Variants in RDX observed in about 807,000 individuals in gnomAD.
RDX encodes deafness, autosomal recessive 24.
In RDX, 32 loss-of-function variants were observed where a neutral mutation model predicts 83.7. The observed-to-expected ratio is 0.38, with a 90% CI of 0.29 to 0.51. The LOEUF (loss-of-function observed/expected upper bound fraction) is 0.51. RDX is among the 20% of genes least tolerant of loss of function. The probability of loss-of-function intolerance (pLI) is 0.87; values close to 1 mark genes in which losing one functional copy is unlikely to be tolerated. For missense variants in RDX, 600 were observed against 689.9 expected (o/e 0.87, Z 1.46); for synonymous variants, 229 against 222.7 (o/e 1.03, Z -0.25).
chr11:110,201,903 T>TTGTGTGCGTGTGTG (rs1555029997), intron 14 of RDX, among the ~76,000 whole-genome samples: 9 of 137,220 alleles, frequency 6.6e-5, no homozygotes, highest in Non-Finnish European at 1.1e-4. Context: ...CCGGCTAATT[T>TTGTGTGCGTGTGTG]TGTGTGTGTG....
At chr11:110,265,075 CTTTT>C (rs59010580) in intron 3 of RDX, among the ~76,000 whole-genome samples, 2 of 110,544 alleles carry the variant, frequency 1.8e-5, no homozygotes, top group Admixed American at 8.8e-5. Flanking sequence ...CTCAATTTTT[CTTTT>C]TTTTTTTTTG....
chr11:110,222,623 C>T (rs1397566815), intron 14 of RDX, among the ~76,000 whole-genome samples: 1 of 152,098 alleles, frequency 6.6e-6, no homozygotes, highest in Non-Finnish European at 1.5e-5. Context: ...GGTAAAACCT[C>T]GTCTCTACTA....
chr11:110,227,110 T>C (rs973279556), downstream of RDX, among the ~76,000 whole-genome samples: 1 of 152,096 alleles, frequency 6.6e-6, no homozygotes, highest in Non-Finnish European at 1.5e-5. Context: ...AGGGAGGAGA[T>C]AGATATTCCC....
downstream of RDX, among the ~76,000 whole-genome samples, chr11:110,226,587 T>C (rs932108711): frequency 6.6e-6 from 1 of 152,214 alleles, no homozygotes; most frequent in Non-Finnish European, 1.5e-5. Flanking sequence ...ATGTACTTAA[T>C]GGCACTGAAC....
intron 14 of RDX, among the ~76,000 whole-genome samples, chr11:110,213,193 C>T (rs1337014462): frequency 4.0e-5 from 6 of 151,524 alleles, no homozygotes; most frequent in African/African-American, 4.9e-5. Context: ...TATACACCAA[C>T]AACAGACAAA....
At chr11:110,270,501 T>C (rs780032085) in intron 3 of RDX, among the ~76,000 whole-genome samples, 1 of 152,178 alleles carries the variant, frequency 6.6e-6, no homozygotes, top group African/African-American at 2.4e-5. Flanking sequence ...TCTACATAAA[T>C]AGAAAGAGAT....
intron 14 of RDX, among the ~76,000 whole-genome samples, chr11:110,206,828 T>C (rs926030745): frequency 6.6e-6 from 1 of 152,314 alleles, no homozygotes; most frequent in Non-Finnish European, 1.5e-5. Context: ...TAGAAGTCAA[T>C]AGTTACTCTA....
intron 15 of RDX, among the ~76,000 whole-genome samples, chr11:110,175,641 C>T (rs1020004244): frequency 1.4e-4 from 22 of 152,146 alleles, no homozygotes; most frequent in Non-Finnish European, 4.4e-5. Flanking sequence ...CTGCCAGAGG[C>T]GAGGCTTTCT....
chr11:110,200,956 A>G (rs1160958722), intron 14 of RDX, among the ~76,000 whole-genome samples: 2 of 152,166 alleles, frequency 1.3e-5, no homozygotes, highest in African/African-American at 4.8e-5. Flanking sequence ...GGCAGAGATC[A>G]CCTGAGGTCG....
chr11:110,210,508 G>A lies in RDX; in HGVS notation c.1749-10830C>T, dbSNP rs1358950569. Among the ~76,000 whole-genome samples, 8 of 150,334 alleles carry A rather than the reference G, an allele frequency of 5.3e-5. No individual in the cohort carries two copies. In the East Asian group the frequency reaches 1.2e-3, roughly 22 times the overall value. On this transcript the variant is annotated intron_variant, in intron 14 of 15. Coordinates refer to the RDX transcript ENST00000528498. ...AGAGAACACCACAAAGATACTCCTCGAGAAGAGCAACTCCAAGACACATAA... is the reference window on the plus strand; with the variant it reads ...AGAGAACACCACAAAGATACTCCTCAAGAAGAGCAACTCCAAGACACATAA...
intron 15 of RDX, among the ~76,000 whole-genome samples, chr11:110,191,086 T>G (rs1863096344): frequency 6.6e-6 from 1 of 152,172 alleles, no homozygotes; most frequent in Non-Finnish European, 1.5e-5. Context: ...CCCTAACTCA[T>G]TCTATGAAGC....
chr11:110,225,164 C>A (rs925754627), downstream of RDX, among the ~76,000 whole-genome samples: 1 of 152,100 alleles, frequency 6.6e-6, no homozygotes, highest in African/African-American at 2.4e-5. Context: ...TTTTGTAACA[C>A]CTTCTTCATT....
chr11:110,179,878 CTTTTTCTTTTTCTTTTTCTTTTTTCT>C (rs1306756014), intron 15 of RDX: 1 of 418,796 alleles, frequency 2.4e-6, no homozygotes, highest in African/African-American at 2.4e-5. Context: ...GGACTTTGTT[CTTTTTCTTTTTCTTTTTCTTTTTTCT>C]TTTTTTTTTT....
intron 1 of RDX, among the ~76,000 whole-genome samples, chr11:110,291,705 T>C (rs1676536): frequency 0.24 from 36,430 of 152,036 alleles, 5,700 homozygotes; most frequent in Non-Finnish European, 0.35. Context: ...AGCAGCCAAA[T>C]TGAGATGGGT....
At chr11:110,209,100 C>T (rs916729255) in intron 14 of RDX, among the ~76,000 whole-genome samples, 2 of 152,166 alleles carry the variant, frequency 1.3e-5, no homozygotes, top group African/African-American at 2.4e-5. Context: ...CTAGGGAGTG[C>T]CAGAGAGTGG....
chr11:110,223,079 G>A (rs543289414), intron 14 of RDX, among the ~76,000 whole-genome samples: 13 of 152,108 alleles, frequency 8.5e-5, no homozygotes, highest in African/African-American at 3.1e-4. Context: ...GGCTGGGCAC[G>A]GTGGCTCACA....
intron 12 of RDX, among the ~76,000 whole-genome samples, chr11:110,235,166 ACACAGCAAGACCTC>A (rs1205101977): frequency 6.6e-6 from 1 of 152,078 alleles, no homozygotes; most frequent in Non-Finnish European, 1.5e-5. Flanking sequence ...AACCTGGGTT[ACACAGCAAGACCTC>A]CATTCTCAAC....
chr11:110,204,577 C>A (rs1369651060), intron 14 of RDX, among the ~76,000 whole-genome samples: 1 of 140,648 alleles, frequency 7.1e-6, no homozygotes, highest in Non-Finnish European at 1.5e-5. Context: ...AGTGCAATGG[C>A]GCAAACTCGG....
intron 15 of RDX, among the ~76,000 whole-genome samples, chr11:110,198,894 C>A (rs1345904638): frequency 6.6e-6 from 1 of 151,684 alleles, no homozygotes; most frequent in Non-Finnish European, 1.5e-5. Context: ...CGGCTCACTG[C>A]AACCTGTGCC....
Sources: allele counts gnomAD v4.1 joint callset (sites outside exome capture counted in the v4.1 genomes callset), GRCh38; gene constraint gnomAD v4.1.1; transcripts MANE v1.5; gene names NCBI Gene and HGNC (gene_info 2026-07-23, HGNC 2026-07-21).